Variants in C19orf44 observed in about 807,000 individuals in gnomAD.
C19orf44 encodes the protein uncharacterized protein C19orf44.
Under a neutral mutation model 50.7 loss-of-function variants are expected in C19orf44, and 43 were observed. The observed-to-expected ratio is 0.85, with a 90% CI of 0.66 to 1.09. The LOEUF (loss-of-function observed/expected upper bound fraction) is 1.09. Ranked by LOEUF, C19orf44 falls within the 50% of genes least tolerant of loss-of-function variation. The pLI is 0.00. For synonymous variants in C19orf44, 298 were observed against 334.7 expected (o/e 0.89, Z 1.20); for missense variants, 722 against 836.2 (o/e 0.86, Z 1.68).
At chr19:16,499,419 T>TG (rs1267822323) in intron 1 of C19orf44, 1 of 151,758 alleles carries the variant, frequency 6.6e-6, no homozygotes, top group African/African-American at 2.4e-5. Context: ...CCGGAGTAGC[T>TG]GGGACTACAG....
At chr19:16,510,144 C>T (rs1431696989) in intron 5 of C19orf44, 156 bp downstream of exon 5, 5 of 1,111,562 alleles carry the variant, frequency 4.5e-6, no homozygotes, top group Non-Finnish European at 6.6e-6. Context: ...AGGTGGCTCA[C>T]GCCTGTAATC....
intron 1 of C19orf44, among the ~76,000 whole-genome samples, chr19:16,500,398 G>A (rs532720422): frequency 6.7e-4 from 101 of 150,894 alleles, no homozygotes; most frequent in Admixed American, 1.2e-3. Flanking sequence ...TGTAGCCCAG[G>A]CTAGAGTGCA....
chr19:16,510,539 C>T (rs937318023), intron 5 of C19orf44, among the ~76,000 whole-genome samples: 3 of 152,098 alleles, frequency 2.0e-5, no homozygotes, highest in Non-Finnish European at 4.4e-5. Context: ...TAGGGTAGCA[C>T]CTCCCACAGG....
chr19:16,514,708 G>A lies in C19orf44; in HGVS notation c.1902+45G>A, dbSNP rs373157866. 21 of 1,473,780 alleles carry A rather than the reference G, an allele frequency of 1.4e-5. 1 individual carries two copies. Among genetic ancestry groups the A allele is most frequent in the South Asian group, 1.3e-4 (10 of 74,536 alleles). 91.3% of individuals were successfully genotyped at this position (1,473,780 alleles called of 1,614,324 possible). A position where few individuals can be genotyped will look rare whatever the true frequency, so the allele number is the denominator to read the frequency against. Reference sequence around the variant, plus strand: ...GGCAGGGGCAGGGCAGTAGGGGAGCGGCAGCTCCCAGAGGCCGGGCCGAAG... The same window carrying A: ...GGCAGGGGCAGGGCAGTAGGGGAGCAGCAGCTCCCAGAGGCCGGGCCGAAG... On this transcript the variant is annotated intron_variant, in intron 7 of 8. Coordinates refer to ENST00000221671, the MANE Select transcript of C19orf44 (RefSeq NM_032207.4).
At chr19:16,504,631 G>C (rs111330967) in intron 3 of C19orf44, among the ~76,000 whole-genome samples, 2,929 of 151,218 alleles carry the variant, frequency 0.019, 59 homozygotes, top group Non-Finnish European at 0.028. Context: ...TTGTTTTTTT[G>C]AGATGTTGCC....
chr19:16,501,290 G>T lies in C19orf44; in HGVS notation c.498G>T (p.Gln166His). The change falls in exon 2 of 9, where the codon CAG becomes CAT. Residue 166 changes from glutamine (Q) to histidine (H), a missense_variant. By Grantham distance (24) the Gln-to-His change is conservative (BLOSUM62 0). Coordinates refer to ENST00000221671, the MANE Select transcript of C19orf44 (RefSeq NM_032207.4). ...RELPVTENNAQNAKVSRFLKK... is the reference protein window; with the variant it reads ...RELPVTENNAHNAKVSRFLKK... ...TTCCTGTCACCGAAAATAATGCACA[G>T]AACGCGAAGGTCAGTAGGTTTCTAA... 3 of 1,614,140 alleles carry T rather than the reference G, an allele frequency of 1.9e-6. No individual in the cohort carries two copies. The highest frequency in any genetic ancestry group is 2.5e-6 in the Non-Finnish European group (3 of 1,180,044).
intron 1 of C19orf44, among the ~76,000 whole-genome samples, chr19:16,500,533 C>T (rs919329323): frequency 5.3e-5 from 8 of 151,520 alleles, no homozygotes; most frequent in African/African-American, 1.7e-4. Flanking sequence ...TTAGTAGAGA[C>T]GGGGTTTCAC....
chr19:16,503,001 AAAAAC>A, intron 2 of C19orf44, 59 bp from the exon 3 acceptor site: 2 of 1,507,658 alleles, frequency 1.3e-6, no homozygotes, highest in Non-Finnish European at 1.8e-6. Context: ...AAAAAAAACA[AAAAAC>A]AAAAAAACAA....
Position 16,501,415 on chromosome 19 carries a change from T to G in C19orf44, c.623T>G (p.Phe208Cys), listed in dbSNP as rs777530174. 1.3e-4 allele frequency: 216 copies of G among 1,613,748 alleles called. No individual in the cohort carries two copies. Among genetic ancestry groups the G allele is most frequent in the Non-Finnish European group, 1.8e-4 (211 of 1,179,954 alleles). The change falls in exon 2 of 9, where the codon TTT (phenylalanine) becomes TGT (cysteine). Residue 208 changes from phenylalanine to cysteine, a missense_variant. Phe to Cys is a radical substitution (Grantham distance 205, BLOSUM62 -2). Transcript: ENST00000221671. Reference sequence around the variant, plus strand: ...AAACAGAAAGAACCTGCTAGAACATTTGATTCTCCAGACAGTGACGAAGAA... The same window carrying G: ...AAACAGAAAGAACCTGCTAGAACATGTGATTCTCCAGACAGTGACGAAGAA... ...TPKQKEPART[F>C]DSPDSDEEEM...
At chr19:16,514,724 CG>C in intron 7 of C19orf44, 61 bp downstream of exon 7, 1 of 1,448,294 alleles carries the variant, frequency 6.9e-7, no homozygotes, top group Non-Finnish European at 9.1e-7. Flanking sequence ...TCCCAGAGGC[CG>C]GGCCGAAGGG....
intron 7 of C19orf44, among the ~76,000 whole-genome samples, chr19:16,514,925 A>T (rs1368282190): frequency 1.3e-5 from 2 of 152,096 alleles, no homozygotes; most frequent in African/African-American, 4.8e-5. Flanking sequence ...GACTAAAGGG[A>T]CCTACTGTTC....
Position 16,503,056 on chromosome 19 carries a change from T to A in C19orf44, c.760-9T>A, listed in dbSNP as rs770993395. ...CATAAGTTTGTTAATTTCAAGTGTT[T>A]TATATCAGGTCCCATCTCAACTGAG... is the stretch of plus-strand genomic sequence containing the variant. On this transcript the variant is annotated splice_polypyrimidine_tract_variant and intron_variant, in intron 2 of 8. Coordinates refer to ENST00000221671, the MANE Select transcript of C19orf44 (RefSeq NM_032207.4). The A allele has an allele frequency of 6.2e-6, 10 of 1,601,796 alleles. No homozygotes were observed. The highest frequency in any genetic ancestry group is 8.5e-6 in the Non-Finnish European group (10 of 1,172,026).
Position 16,519,148 on chromosome 19 carries a change from G to A in C19orf44, c.*41-946G>A, listed in dbSNP as rs545497880. 1.3e-4 allele frequency: 206 copies of A among 1,609,236 alleles called. 1 individual carries two copies. Among genetic ancestry groups the A allele is most frequent in the Admixed American group, 4.4e-4 (26 of 58,982 alleles). Reference sequence around the variant, plus strand: ...ACCGCTGGCCACCGGCGCGGCTCCCGGCATGGGCGCCTACTTACACTCGTC... The same window carrying A: ...ACCGCTGGCCACCGGCGCGGCTCCCAGCATGGGCGCCTACTTACACTCGTC... On this transcript the variant is annotated intron_variant, in intron 8 of 8. Coordinates refer to ENST00000221671, the MANE Select transcript of C19orf44 (RefSeq NM_032207.4). The surrounding 1 kb of genome is among the most constrained non-coding windows in gnomAD (Gnocchi z 6.0).
chr19:16,507,024 G>C (rs1432925262), intron 4 of C19orf44, among the ~76,000 whole-genome samples: 1 of 152,132 alleles, frequency 6.6e-6, no homozygotes, highest in East Asian at 1.9e-4. Context: ...TAGGCCTATA[G>C]TTTTCAAATC....
At position 16,520,204 on chromosome 19, in the gene C19orf44, T is replaced by C; in HGVS notation, c.*151T>C. ...CGTCTTCTTCCTGGGGAGTACGACT[T>C]GGACCGGGACCGCGACTGGGACCGG... On this transcript the variant is annotated 3_prime_UTR_variant, in exon 9 of 9. Transcript: ENST00000221671. This position sits in a 1 kb window ranked among gnomAD's most constrained non-coding sequence, Gnocchi z 4.0. 6.2e-7 allele frequency: 1 copy of C among 1,613,306 alleles called. No homozygotes were observed. The highest frequency in any genetic ancestry group is 8.5e-7 in the Non-Finnish European group (1 of 1,180,002).
intron 7 of C19orf44, 68 bp from the exon 8 acceptor site, chr19:16,517,162 C>T: frequency 6.8e-7 from 1 of 1,466,042 alleles, no homozygotes; most frequent in African/African-American, 1.4e-5. Context: ...ACTCCCTCCT[C>T]CAGCACCCTG....
In C19orf44 at chr19:16,520,879, G is replaced by T. The variant is rs1382267094; in HGVS notation, c.*826G>T. 6.2e-7 allele frequency: 1 copy of T among 1,613,916 alleles called. No homozygotes were observed. The highest frequency in any genetic ancestry group is 8.5e-7 in the Non-Finnish European group (1 of 1,180,040). ...GCCGGGCCCGCATTTTTGCTCGGAA[G>T]AACTCATAGAGGCCGTTCTGCTCCC... On this transcript the variant is annotated 3_prime_UTR_variant, in exon 9 of 9. Transcript: ENST00000221671. This position sits in a 1 kb window ranked among gnomAD's most constrained non-coding sequence, Gnocchi z 4.0.
Position 16,519,679 on chromosome 19 carries a change from G to A in C19orf44, c.*41-415G>A. On this transcript the variant is annotated intron_variant, in intron 8 of 8. Transcript: ENST00000221671. This position sits in a 1 kb window ranked among gnomAD's most constrained non-coding sequence, Gnocchi z 6.0. ...CTTCTCCGAGCCTTGAGTCAGGGAT[G>A]GGAGGCGCCGAATTAGAACCCAGAC... is the stretch of plus-strand genomic sequence containing the variant. 6.2e-7 allele frequency: 1 copy of A among 1,613,984 alleles called. No homozygotes were observed. Among genetic ancestry groups the A allele is most frequent in the Non-Finnish European group, 8.5e-7 (1 of 1,179,916 alleles).
chr19:16,517,452 C>A (rs1373666039), intron 8 of C19orf44, 111 bp downstream of exon 8: 2 of 694,640 alleles, frequency 2.9e-6, no homozygotes, highest in African/African-American at 1.8e-5. Context: ...GTGATGGACA[C>A]ACACACACAC....
Sources: gnomAD v4.1 joint callset for allele counts (sites outside exome capture counted in the v4.1 genomes callset) on GRCh38, gnomAD v4.1.1 for gene constraint, Gnocchi (gnomAD v3.1) non-coding constraint, MANE v1.5 for transcripts, NCBI Gene and HGNC (gene_info 2026-07-23, HGNC 2026-07-21) for gene names.